Variants in NAALADL2 observed in about 807,000 individuals in gnomAD.
NAALADL2 encodes the protein N-acetylated alpha-linked acidic dipeptidase like 2.
Under a neutral mutation model 87.2 loss-of-function variants are expected in NAALADL2, and 76 were observed. The ratio of observed to expected loss-of-function variants is 0.87; its 90% CI spans 0.72 to 1.05. NAALADL2 has a LOEUF of 1.05. Ranked by LOEUF, NAALADL2 falls within the 50% of genes least tolerant of loss-of-function variation. The probability of loss-of-function intolerance (pLI) is 0.00; values close to 1 mark genes in which losing one functional copy is unlikely to be tolerated. For synonymous variants in NAALADL2, 354 were observed against 331.0 expected, an observed-to-expected ratio of 1.07 and a Z score of -0.75; for missense variants, 1,089 against 945.8, an observed-to-expected ratio of 1.15 and a Z score of -1.99.
At chr3:175,081,915 G>C (rs1189759730) in intron 1 of NAALADL2, among the ~76,000 whole-genome samples, 1 of 152,120 alleles carries the variant, frequency 6.6e-6, no homozygotes, top group African/African-American at 2.4e-5. Context: ...AATGATGATT[G>C]GGAGCCATTT....
chr3:174,689,902 A>G (rs779912990), intron 2 of NAALADL2, among the ~76,000 whole-genome samples: 10 of 152,072 alleles, frequency 6.6e-5, no homozygotes, highest in Non-Finnish European at 1.2e-4. Context: ...ACTAATCAAT[A>G]TTTCTTGGTC....
rs1291230393 is a variant in NAALADL2 at position 175,395,546 on chromosome 3, T to C, written c.1091-51683T>C. Among the ~76,000 whole-genome samples, 6 of 152,146 alleles carry C rather than the reference T, an allele frequency of 3.9e-5. No individual in the cohort carries two copies. The East Asian group carries it at 9.7e-4, about 24-fold the overall frequency. On this transcript the variant is annotated intron_variant, in intron 5 of 13. Transcript: ENST00000454872. ...GCTAAGTATGCATTCCTTTAGGAAT[T>C]CCAAGATCCCAACAACAGCCCTGAA...
intron 3 of NAALADL2, among the ~76,000 whole-genome samples, chr3:174,748,337 T>TC (rs1578772535): frequency 7.4e-6 from 1 of 136,042 alleles, no homozygotes; most frequent in Non-Finnish European, 1.7e-5. Flanking sequence ...TTTTTTTTTT[T>TC]TTTTTAAAAA....
At chr3:174,990,626 G>A (rs1746602235) in intron 1 of NAALADL2, among the ~76,000 whole-genome samples, 4 of 152,096 alleles carry the variant, frequency 2.6e-5, no homozygotes, top group Admixed American at 2.6e-4. Flanking sequence ...ACCAAAAAAA[G>A]CTGGGTCGTA....
At chr3:175,299,275 A>G (rs1756741176) in intron 4 of NAALADL2, among the ~76,000 whole-genome samples, 2 of 152,112 alleles carry the variant, frequency 1.3e-5, no homozygotes, top group Admixed American at 1.3e-4. Context: ...TTCCATATGA[A>G]ATATAAAGTA....
chr3:174,509,715 C>T (rs898863015), intron 1 of NAALADL2, among the ~76,000 whole-genome samples: 1 of 151,260 alleles, frequency 6.6e-6, no homozygotes, highest in East Asian at 2.0e-4. Flanking sequence ...CGTGAGCCAC[C>T]GAGCACAGCT....
In NAALADL2 at chr3:175,271,870, TATAAA is replaced by T. The variant is rs149072721; in HGVS notation, c.939+15345_939+15349del. 4.9e-4 allele frequency among the ~76,000 whole-genome samples: 75 copies of T among 152,342 alleles called. 1 individual carries two copies. Among genetic ancestry groups the T allele is most frequent in the African/African-American group, 1.7e-3 (70 of 41,580 alleles). The stretch of plus-strand genomic sequence containing the variant: ...TATTAAGATTACCCATAAATAATCT[TATAAA>T]ATAAGACTGATTAAATACTGGAAAA... On this transcript the variant is annotated intron_variant, in intron 4 of 13. Transcript: ENST00000454872.
At chr3:175,414,687 C>G (rs1394228870) in intron 5 of NAALADL2, among the ~76,000 whole-genome samples, 1 of 152,136 alleles carries the variant, frequency 6.6e-6, no homozygotes, top group Non-Finnish European at 1.5e-5. Context: ...AAAGTTCCTT[C>G]AACTCTGGTA....
At chr3:174,832,625 C>A in intron 3 of NAALADL2, among the ~76,000 whole-genome samples, 1 of 152,086 alleles carries the variant, frequency 6.6e-6, no homozygotes, top group South Asian at 2.1e-4. Context: ...CCACATCCGG[C>A]TAATTTTGTT....
At chr3:175,073,835 C>T (rs115841688) in intron 1 of NAALADL2, among the ~76,000 whole-genome samples, 4,411 of 151,948 alleles carry the variant, frequency 0.029, 230 homozygotes, top group African/African-American at 0.1. Flanking sequence ...GACAGTAATT[C>T]GAATGGAATG....
rs951056213 is a variant in NAALADL2 at position 175,467,302 on chromosome 3, G to A, written c.1533+118G>A. ...TGCTTCTCAACACAAGTGTCATATT[G>A]CCTAATTTGCTGAGATGGCTTATAA... On this transcript the variant is annotated intron_variant, in intron 8 of 13. Transcript: ENST00000454872. 1.1e-5 allele frequency: 8 copies of A among 746,870 alleles called. No individual in the cohort carries two copies. The East Asian group carries it at 1.1e-4, about 10-fold the overall frequency. 46.3% of individuals were successfully genotyped at this position (746,870 alleles called of 1,614,324 possible). A position where few individuals can be genotyped will look rare whatever the true frequency, so the allele number is the denominator to read the frequency against.
intron 2 of NAALADL2, among the ~76,000 whole-genome samples, chr3:175,137,847 C>T (rs181803551): frequency 9.2e-5 from 14 of 152,118 alleles, no homozygotes; most frequent in Admixed American, 9.2e-4. Flanking sequence ...TGATCTCGAA[C>T]TCCTGACCTC....
At chr3:175,062,494 G>A (rs1053504584) in intron 1 of NAALADL2, among the ~76,000 whole-genome samples, 3 of 143,532 alleles carry the variant, frequency 2.1e-5, no homozygotes, top group African/African-American at 8.8e-5. Context: ...GTGTGTGTGT[G>A]TGTGTGTGTG....
intron 2 of NAALADL2, among the ~76,000 whole-genome samples, chr3:175,133,396 G>A (rs1207079867): frequency 2.6e-5 from 4 of 152,178 alleles, no homozygotes; most frequent in Non-Finnish European, 5.9e-5. Flanking sequence ...GTTGTAGCGA[G>A]CCGATATCAC....
intron 2 of NAALADL2, among the ~76,000 whole-genome samples, chr3:174,644,435 A>G (rs1194005227): frequency 6.6e-6 from 1 of 152,178 alleles, no homozygotes; most frequent in Admixed American, 6.5e-5. Flanking sequence ...TTTCATGCTG[A>G]GTAGGCTAAG....
chr3:174,774,895 G>C (rs1217188465), intron 3 of NAALADL2, among the ~76,000 whole-genome samples: 1 of 152,062 alleles, frequency 6.6e-6, no homozygotes, highest in Non-Finnish European at 1.5e-5. Flanking sequence ...ACTTTATCTG[G>C]ATTTAATTTA....
chr3:174,498,991 A>T (rs577590927), intron 1 of NAALADL2, among the ~76,000 whole-genome samples: 1 of 152,264 alleles, frequency 6.6e-6, no homozygotes, highest in Non-Finnish European at 1.5e-5. Context: ...GAGAGAGAAT[A>T]CACTCATAGA....
At chr3:174,451,281 G>A (rs948857129) in intron 1 of NAALADL2, among the ~76,000 whole-genome samples, 1 of 152,102 alleles carries the variant, frequency 6.6e-6, no homozygotes, top group African/African-American at 2.4e-5. Flanking sequence ...TACCATTACC[G>A]ATTCTTTCCT....
chr3:175,550,926 A>G (rs1299720773), intron 9 of NAALADL2, among the ~76,000 whole-genome samples: 1 of 152,250 alleles, frequency 6.6e-6, no homozygotes, highest in Admixed American at 6.5e-5. Context: ...TTCTCAAAAG[A>G]GAAAAGAAAT....
Sources: allele counts gnomAD v4.1 joint callset (sites outside exome capture counted in the v4.1 genomes callset), GRCh38; gene constraint gnomAD v4.1.1; transcripts MANE v1.5; gene names NCBI Gene and HGNC (gene_info 2026-07-23, HGNC 2026-07-21).